The following STPG2 variants were observed in gnomAD, a reference collection of about 807,000 sequenced individuals.
The protein encoded by STPG2 is sperm tail PG-rich repeat containing 2.
STPG2 carries 56 observed loss-of-function variants against 54.2 expected under a neutral mutation model. That is an observed-to-expected ratio of 1.03 (90% confidence interval 0.83 to 1.29). The LOEUF is 1.29. Ranked by LOEUF, STPG2 falls within the 50% of genes most tolerant of loss-of-function variation. The probability of loss-of-function intolerance (pLI) is 0.00; values close to 1 mark genes in which losing one functional copy is unlikely to be tolerated. For missense variants in STPG2, 596 were observed against 544.9 expected (o/e 1.09, Z -0.93); for synonymous variants, 200 against 181.8 (o/e 1.10, Z -0.81).
chr4:97,472,020 T>C (rs926528463), intron 4 of STPG2, among the ~76,000 whole-genome samples: 25 of 152,324 alleles, frequency 1.6e-4, no homozygotes, highest in Admixed American at 4.6e-4. Flanking sequence ...TATGTGCATA[T>C]TGAGTGTGAA....
At chr4:97,963,584 G>C (rs953680978) in intron 7 of STPG2, among the ~76,000 whole-genome samples, 9 of 152,150 alleles carry the variant, frequency 5.9e-5, no homozygotes, top group Non-Finnish European at 1.3e-4. Flanking sequence ...GAACCCAGGA[G>C]GGCAAGGGTG....
At chr4:98,079,050 C>G (rs1738258810) in intron 5 of STPG2, among the ~76,000 whole-genome samples, 1 of 151,870 alleles carries the variant, frequency 6.6e-6, no homozygotes, top group Non-Finnish European at 1.5e-5. Flanking sequence ...TATGATTGGC[C>G]CATGCCTAAT....
chr4:97,531,684 G>A (rs988152878), intron 4 of STPG2, among the ~76,000 whole-genome samples: 11 of 152,166 alleles, frequency 7.2e-5, no homozygotes, highest in African/African-American at 2.7e-4. Flanking sequence ...TGGAGAAAGA[G>A]AGTAGAGGTA....
intron 9 of STPG2, among the ~76,000 whole-genome samples, chr4:97,792,038 G>C (rs1354160954): frequency 6.6e-6 from 1 of 152,084 alleles, no homozygotes; most frequent in African/African-American, 2.4e-5. Flanking sequence ...CCTGTAAAGA[G>C]ATGACAATTA....
At chr4:97,782,594 G>A (rs192846496) in intron 9 of STPG2, among the ~76,000 whole-genome samples, 10 of 152,220 alleles carry the variant, frequency 6.6e-5, no homozygotes, top group African/African-American at 2.4e-4. Context: ...AAGTTCATGT[G>A]AAACGAAAAA....
intron 6 of STPG2, among the ~76,000 whole-genome samples, chr4:97,973,768 G>A (rs903476375): frequency 0.051 from 4 of 78 alleles, no homozygotes; most frequent in African/African-American, 0.12. Flanking sequence ...TTCAGAGGGT[G>A]CAAGCCCAAG....
At chr4:97,977,605 G>A (rs1027213741) in intron 6 of STPG2, among the ~76,000 whole-genome samples, 1 of 152,170 alleles carries the variant, frequency 6.6e-6, no homozygotes, top group Admixed American at 6.5e-5. Context: ...ACTGTTTCAA[G>A]AGGCCCAGAT....
intron 8 of STPG2, among the ~76,000 whole-genome samples, chr4:97,918,832 T>C (rs1731988351): frequency 6.6e-6 from 1 of 151,848 alleles, no homozygotes; most frequent in Non-Finnish European, 1.5e-5. Context: ...GGGAGACAGG[T>C]GAGGGAAAAA....
chr4:98,084,134 T>G (rs1738437624), intron 5 of STPG2, among the ~76,000 whole-genome samples: 1 of 152,200 alleles, frequency 6.6e-6, no homozygotes, highest in South Asian at 2.1e-4. Context: ...ATGAACTATC[T>G]GCCTGCCCTG....
chr4:98,050,522 A>G (rs111281518), intron 5 of STPG2, among the ~76,000 whole-genome samples: 3 of 152,218 alleles, frequency 2.0e-5, no homozygotes, highest in African/African-American at 7.2e-5. Flanking sequence ...TTTCAGTGAG[A>G]AGGCATCTGA....
chr4:97,599,988 C>G (rs927489210), intron 10 of STPG2, among the ~76,000 whole-genome samples: 1 of 152,048 alleles, frequency 6.6e-6, no homozygotes, highest in Admixed American at 6.6e-5. Context: ...AACACAGACA[C>G]AGAAAACCAA....
At chr4:97,506,590 A>G (rs1302687093) in intron 4 of STPG2, among the ~76,000 whole-genome samples, 1 of 152,004 alleles carries the variant, frequency 6.6e-6, no homozygotes, top group East Asian at 1.9e-4. Context: ...AATAATGACT[A>G]TAATAAATAA....
intron 4 of STPG2, among the ~76,000 whole-genome samples, chr4:97,535,145 C>T (rs548663373): frequency 2.6e-5 from 4 of 152,216 alleles, no homozygotes; most frequent in African/African-American, 9.6e-5. Context: ...TGGGCAAATA[C>T]TTAGGATGGA....
chr4:97,684,515 G>A (rs532536840), intron 10 of STPG2, among the ~76,000 whole-genome samples: 21 of 151,920 alleles, frequency 1.4e-4, no homozygotes, highest in Non-Finnish European at 2.4e-4. Flanking sequence ...AAATGGTTCC[G>A]GAAAAAGTGG....
chr4:97,464,070 A>G (rs762887242), intron 4 of STPG2, among the ~76,000 whole-genome samples: 7 of 152,162 alleles, frequency 4.6e-5, no homozygotes, highest in Non-Finnish European at 8.8e-5. Flanking sequence ...AGCTGTTGTA[A>G]ATATTTGCAT....
chr4:97,451,524 A>G (rs1729364265), intron 4 of STPG2, among the ~76,000 whole-genome samples: 1 of 152,158 alleles, frequency 6.6e-6, no homozygotes, highest in Non-Finnish European at 1.5e-5. Context: ...TCTTTTGTTA[A>G]CAGAAAAGAT....
intron 4 of STPG2, among the ~76,000 whole-genome samples, chr4:97,527,723 T>C (rs1284701209): frequency 1.3e-5 from 2 of 152,220 alleles, no homozygotes; most frequent in African/African-American, 4.8e-5. Context: ...TCATTGTTGT[T>C]TTGATATGCA....
chr4:97,565,339 A>G (rs1343659168), intron 10 of STPG2, among the ~76,000 whole-genome samples: 1 of 151,904 alleles, frequency 6.6e-6, no homozygotes, highest in African/African-American at 2.4e-5. Flanking sequence ...ATTCATCGAA[A>G]TTTTTTTCAA....
intron 9 of STPG2, among the ~76,000 whole-genome samples, chr4:97,776,287 A>T (rs1726373270): frequency 6.6e-6 from 1 of 152,202 alleles, no homozygotes; most frequent in Non-Finnish European, 1.5e-5. Flanking sequence ...AATTTTACAG[A>T]TGACAATATT....
Sources: gnomAD v4.1 joint callset for allele counts (sites outside exome capture counted in the v4.1 genomes callset) on GRCh38, gnomAD v4.1.1 for gene constraint, MANE v1.5 for transcripts, NCBI Gene and HGNC (gene_info 2026-07-23, HGNC 2026-07-21) for gene names.